Variants in ATP8B1 observed in about 807,000 individuals in gnomAD.
ATP8B1 encodes ATPase phospholipid transporting 8B1.
In ATP8B1, 80 loss-of-function variants were observed where a neutral mutation model predicts 149.9. The observed-to-expected ratio is 0.53, with a 90% CI of 0.45 to 0.64. The LOEUF (loss-of-function observed/expected upper bound fraction) is 0.64, where lower values mean the gene tolerates loss of function less well. Ranked by LOEUF, ATP8B1 falls within the 30% of genes least tolerant of loss-of-function variation. The pLI is 0.00. For synonymous variants in ATP8B1, 536 were observed against 562.8 expected (o/e 0.95, Z 0.67); for missense variants, 1,247 against 1,552.6 (o/e 0.80, Z 3.31).
intron 1 of ATP8B1, among the ~76,000 whole-genome samples, chr18:57,747,692 CT>C (rs2079977340): frequency 6.6e-6 from 1 of 152,176 alleles, no homozygotes; most frequent in South Asian, 2.1e-4. Context: ...TACTTGGTAT[CT>C]TTTCTAGATA....
At chr18:57,677,872 A>G (rs1335003715) in intron 15 of ATP8B1, among the ~76,000 whole-genome samples, 2 of 152,210 alleles carry the variant, frequency 1.3e-5, no homozygotes. Context: ...GAAAAGGAAC[A>G]AAATAATAAA....
chr18:57,797,315 C>T (rs2080523979), intron 1 of ATP8B1, among the ~76,000 whole-genome samples: 1 of 152,248 alleles, frequency 6.6e-6, no homozygotes, highest in Non-Finnish European at 1.5e-5. Context: ...CCATAAATGA[C>T]AGCCCTGTCA....
chr18:57,785,895 G>A lies in ATP8B1; in HGVS notation c.-26+17103C>T, dbSNP rs552589061. On this transcript the variant is annotated intron_variant, in intron 1 of 27. Coordinates refer to ENST00000648908, the MANE Select transcript of ATP8B1 (RefSeq NM_001374385.1). Reference sequence around the variant, plus strand: ...ATTCTCCTCTGGCAGCTTAGTGAAGGAGTAAAAGCCATAAAATTCACTTAA... The same window carrying A: ...ATTCTCCTCTGGCAGCTTAGTGAAGAAGTAAAAGCCATAAAATTCACTTAA... Among the ~76,000 whole-genome samples, 5 of 152,324 alleles carry A rather than the reference G, an allele frequency of 3.3e-5. No individual in the cohort carries two copies. In the South Asian group the frequency reaches 1.0e-3, roughly 32 times the overall value.
chr18:57,721,897 CT>C (rs2079650581), intron 2 of ATP8B1, among the ~76,000 whole-genome samples: 1 of 113,562 alleles, frequency 8.8e-6, no homozygotes, highest in Non-Finnish European at 1.8e-5. Flanking sequence ...AACAAACTAT[CT>C]CTCAGACCAC....
intron 17 of ATP8B1, among the ~76,000 whole-genome samples, chr18:57,671,210 T>C (rs1911202008): frequency 6.6e-6 from 1 of 152,184 alleles, no homozygotes; most frequent in South Asian, 2.1e-4. Context: ...AGCTAAGCCA[T>C]TCCCCTGCCT....
chr18:57,726,975 G>C (rs1290052532), intron 2 of ATP8B1, among the ~76,000 whole-genome samples: 1 of 152,216 alleles, frequency 6.6e-6, no homozygotes, highest in Non-Finnish European at 1.5e-5. Context: ...AGCTACTCGG[G>C]AGGCTGAGGC....
intron 1 of ATP8B1, among the ~76,000 whole-genome samples, chr18:57,781,145 C>T (rs912786156): frequency 1.3e-5 from 2 of 152,226 alleles, no homozygotes; most frequent in African/African-American, 2.4e-5. Flanking sequence ...CCTTCAAAAT[C>T]ACTTGGGAAA....
chr18:57,650,934 C>G (rs1909572446), intron 26 of ATP8B1, among the ~76,000 whole-genome samples: 1 of 152,088 alleles, frequency 6.6e-6, no homozygotes, highest in South Asian at 2.1e-4. Flanking sequence ...ATTGGCCTCC[C>G]CAAAATATCC....
intron 4 of ATP8B1, among the ~76,000 whole-genome samples, chr18:57,703,292 G>A (rs1373921802): frequency 6.6e-6 from 1 of 151,976 alleles, no homozygotes; most frequent in Non-Finnish European, 1.5e-5. Flanking sequence ...ATAAAGTGCC[G>A]GGCGCAGTGG....
intron 1 of ATP8B1, among the ~76,000 whole-genome samples, chr18:57,801,415 G>A (rs12965981): frequency 0.096 from 14,605 of 152,226 alleles, 792 homozygotes; most frequent in Middle Eastern, 0.14. Flanking sequence ...AAAGTAATCA[G>A]CTAATAAGCA....
chr18:57,657,244 A>AT (rs149652508), intron 22 of ATP8B1, among the ~76,000 whole-genome samples: 13,596 of 150,344 alleles, frequency 0.09, 889 homozygotes, highest in East Asian at 0.32. Context: ...ACCTTAAGAC[A>AT]TTTTTTTTTT....
chr18:57,677,778 G>A (rs945872395), intron 15 of ATP8B1, among the ~76,000 whole-genome samples: 1 of 152,156 alleles, frequency 6.6e-6, no homozygotes, highest in Non-Finnish European at 1.5e-5. Context: ...CAGCAGCGGT[G>A]AGAACAAAGC....
intron 1 of ATP8B1, among the ~76,000 whole-genome samples, chr18:57,792,688 C>T (rs1348296694): frequency 6.6e-6 from 1 of 152,018 alleles, no homozygotes; most frequent in Non-Finnish European, 1.5e-5. Context: ...AGTTGCACAG[C>T]TATGTAAATA....
At chr18:57,668,587 C>T (rs750654752) in intron 18 of ATP8B1, 47 bp from the exon 19 acceptor site, 1 of 1,212,970 alleles carries the variant, frequency 8.2e-7, no homozygotes, top group Non-Finnish European at 1.1e-6. Flanking sequence ...AGCAAACAAA[C>T]CAAAAGTTTT....
At chr18:57,717,098 G>A (rs1310317728) in intron 2 of ATP8B1, among the ~76,000 whole-genome samples, 1 of 152,034 alleles carries the variant, frequency 6.6e-6, no homozygotes, top group African/African-American at 2.4e-5. Flanking sequence ...AAATTAAACA[G>A]GAAACTGAAA....
rs535803492 is a variant in ATP8B1, at chr18:57,773,374, T to G, written c.-26+29624A>C. On this transcript the variant is annotated intron_variant, in intron 1 of 27. Transcript: ENST00000648908. Reference sequence around the variant, plus strand: ...TGGTGCAGACAGAAAGGGTGGGATTTCTGGCAGAACTTTCAGAGGCAGAGG... The same window carrying G: ...TGGTGCAGACAGAAAGGGTGGGATTGCTGGCAGAACTTTCAGAGGCAGAGG... Among the ~76,000 whole-genome samples the G allele has an allele frequency of 5.3e-5, 8 of 152,056 alleles. No individual in the cohort carries two copies. In the East Asian group the frequency reaches 1.6e-3, roughly 29 times the overall value.
intron 3 of ATP8B1, among the ~76,000 whole-genome samples, chr18:57,705,721 A>G (rs1299428914): frequency 1.3e-5 from 2 of 152,220 alleles, no homozygotes; most frequent in Admixed American, 6.5e-5. Flanking sequence ...TGCCAACACC[A>G]AGATTTCAGA....
At chr18:57,754,985 T>C (rs1194409035) in intron 1 of ATP8B1, among the ~76,000 whole-genome samples, 1 of 152,184 alleles carries the variant, frequency 6.6e-6, no homozygotes, top group Non-Finnish European at 1.5e-5. Flanking sequence ...TATCTTTGCA[T>C]AGTGAGTAAA....
chr18:57,662,484 A>C lies in ATP8B1; in HGVS notation c.2417T>G (p.Leu806Trp), dbSNP rs746918623. 1 of 1,614,152 alleles carries C rather than the reference A, an allele frequency of 6.2e-7. No individual in the cohort carries two copies. The highest frequency in any genetic ancestry group is 8.5e-7 in the Non-Finnish European group (1 of 1,180,008). ...CACAGATACACTAATGATACGTACC[A>C]ACCAAGAACCAGTGATGATTAAGGC... ...NRALIITGSW[L>W]NEILLEKKTK... The change falls in exon 21 of 28, where the codon TTG becomes TGG. Residue 806 changes from leucine (L) to tryptophan (W), a missense_variant and splice_region_variant. This residue lies in a region of ATP8B1 where 853 missense variants were observed against 1,035.7 expected (regional missense o/e 0.82). Transcript: ENST00000648908.
Sources: gnomAD v4.1 joint callset for allele counts (sites outside exome capture counted in the v4.1 genomes callset) on GRCh38, gnomAD v4.1.1 for gene constraint, gnomAD v4.1.1 regional missense constraint, MANE v1.5 for transcripts, NCBI Gene and HGNC (gene_info 2026-07-23, HGNC 2026-07-21) for gene names.